Variants in KCNJ6 observed in about 807,000 individuals in gnomAD.
KCNJ6 encodes G protein-activated inward rectifier potassium channel 2.
A neutral mutation model predicts 34.2 loss-of-function variants in KCNJ6; 9 were observed. That is an observed-to-expected ratio of 0.26 (90% CI 0.16 to 0.46). The LOEUF (loss-of-function observed/expected upper bound fraction) is 0.46, where lower values mean the gene tolerates loss of function less well. Among genes scored for constraint, KCNJ6 ranks in the 20% least tolerant of loss-of-function variants. The pLI is 1.00. For missense variants in KCNJ6, 236 were observed against 531.3 expected (o/e 0.44, Z 5.46); for synonymous variants, 196 against 207.1 (o/e 0.95, Z 0.46).
chr21:37,794,884 T>C (rs2055233603), intron 2 of KCNJ6, among the ~76,000 whole-genome samples: 1 of 142,480 alleles, frequency 7.0e-6, no homozygotes, highest in Non-Finnish European at 1.5e-5. Flanking sequence ...GAACTTAAAG[T>C]AAAATAAAAA....
chr21:37,880,285 G>T (rs902741062), intron 1 of KCNJ6, among the ~76,000 whole-genome samples: 6 of 152,118 alleles, frequency 3.9e-5, no homozygotes, highest in African/African-American at 1.4e-4. Context: ...AATGTGCATT[G>T]TCCAGGAAAA....
intron 2 of KCNJ6, among the ~76,000 whole-genome samples, chr21:37,796,025 G>A (rs770150905): frequency 2.6e-4 from 40 of 152,200 alleles, no homozygotes; most frequent in South Asian, 1.7e-3. Context: ...AGAATAATCC[G>A]TTCTATGGGA....
chr21:37,654,789 A>G (rs1390767557), intron 3 of KCNJ6, among the ~76,000 whole-genome samples: 1 of 152,182 alleles, frequency 6.6e-6, no homozygotes, highest in Non-Finnish European at 1.5e-5. Flanking sequence ...GCCTCCTGGC[A>G]TCTGCATCTT....
intron 1 of KCNJ6, among the ~76,000 whole-genome samples, chr21:37,908,589 G>A (rs2055852732): frequency 6.6e-6 from 1 of 152,130 alleles, no homozygotes; most frequent in Non-Finnish European, 1.5e-5. Flanking sequence ...TTTGAGCATG[G>A]GTTGTGAAGT....
intron 3 of KCNJ6, among the ~76,000 whole-genome samples, chr21:37,653,570 A>G (rs2054443883): frequency 6.6e-6 from 1 of 152,208 alleles, no homozygotes; most frequent in Non-Finnish European, 1.5e-5. Flanking sequence ...AAAATAAAGC[A>G]AATGCATTTA....
At position 37,842,999 on chromosome 21, in the gene KCNJ6, T is replaced by A. The variant is rs539907955; in HGVS notation, c.-27-2290A>T. 4.6e-5 allele frequency among the ~76,000 whole-genome samples: 7 copies of A among 152,242 alleles called. No individual in the cohort carries two copies. In the East Asian group the frequency reaches 1.4e-3, roughly 29 times the overall value. ...CCCCATTTTCTGGGTCTGTGCTCCATCAGGCCTCACTCTGGATCACAGACC... is the reference window on the plus strand; with the variant it reads ...CCCCATTTTCTGGGTCTGTGCTCCAACAGGCCTCACTCTGGATCACAGACC... On this transcript the variant is annotated intron_variant, in intron 1 of 3. Transcript: ENST00000609713.
At chr21:37,662,761 C>A (rs901295681) in intron 3 of KCNJ6, among the ~76,000 whole-genome samples, 1 of 152,196 alleles carries the variant, frequency 6.6e-6, no homozygotes, top group African/African-American at 2.4e-5. Flanking sequence ...CACATCCTCG[C>A]CAGCATCTGT....
intron 2 of KCNJ6, among the ~76,000 whole-genome samples, chr21:37,747,393 TTA>T (rs1342708981): frequency 6.6e-6 from 1 of 152,196 alleles, no homozygotes; most frequent in Non-Finnish European, 1.5e-5. Context: ...TTTGGGATTT[TTA>T]TTAGGAAAAG....
chr21:37,888,237 C>G (rs1275680669), intron 1 of KCNJ6, among the ~76,000 whole-genome samples: 1 of 152,240 alleles, frequency 6.6e-6, no homozygotes, highest in Non-Finnish European at 1.5e-5. Flanking sequence ...CCCTCAGACA[C>G]TTTCCTCTCT....
chr21:37,870,588 A>ATTTT (rs754356092), intron 1 of KCNJ6, among the ~76,000 whole-genome samples: 4 of 150,794 alleles, frequency 2.7e-5, no homozygotes, highest in African/African-American at 7.3e-5. Flanking sequence ...ACAATTCAAA[A>ATTTT]TTTTGTTTTT....
intron 3 of KCNJ6, among the ~76,000 whole-genome samples, chr21:37,690,275 T>G (rs2054633751): frequency 6.6e-6 from 1 of 152,234 alleles, no homozygotes; most frequent in South Asian, 2.1e-4. Context: ...AGCATGAACC[T>G]GACAATAACG....
chr21:37,709,938 G>A (rs1288205697), intron 3 of KCNJ6, among the ~76,000 whole-genome samples: 4 of 152,260 alleles, frequency 2.6e-5, no homozygotes, highest in East Asian at 3.9e-4. Context: ...GGCAACTTCC[G>A]ATTAATTGGC....
At chr21:37,756,725 G>T (rs1397763686) in intron 2 of KCNJ6, among the ~76,000 whole-genome samples, 1 of 128,056 alleles carries the variant, frequency 7.8e-6, no homozygotes, top group Admixed American at 7.6e-5. Context: ...CTCCCTCACA[G>T]ATTCAAGCCC....
intron 3 of KCNJ6, among the ~76,000 whole-genome samples, chr21:37,649,898 C>T (rs909634169): frequency 6.0e-5 from 9 of 150,064 alleles, no homozygotes; most frequent in African/African-American, 1.5e-4. Context: ...GGACTACAGA[C>T]GCCCGCCACC....
chr21:37,649,222 A>G (rs115810864), intron 3 of KCNJ6, among the ~76,000 whole-genome samples: 1 of 151,254 alleles, frequency 6.6e-6, no homozygotes, highest in East Asian at 1.9e-4. Flanking sequence ...CTTATCTTAC[A>G]TTTCCTCAAG....
At chr21:37,875,156 G>A (rs373165163) in intron 1 of KCNJ6, among the ~76,000 whole-genome samples, 10 of 152,162 alleles carry the variant, frequency 6.6e-5, no homozygotes, top group African/African-American at 2.4e-4. Flanking sequence ...TGCAAGGCTG[G>A]TGGAGCTCTC....
intron 1 of KCNJ6, among the ~76,000 whole-genome samples, chr21:37,864,413 G>T (rs1601507487): frequency 6.6e-6 from 1 of 152,100 alleles, no homozygotes; most frequent in South Asian, 2.1e-4. Flanking sequence ...GGCCGGCCAG[G>T]AATATCCAGT....
chr21:37,667,296 C>T (rs2054519348), intron 3 of KCNJ6, among the ~76,000 whole-genome samples: 2 of 151,648 alleles, frequency 1.3e-5, no homozygotes, highest in Admixed American at 1.3e-4. Flanking sequence ...CAGGGTTCCA[C>T]ATTTTGAATT....
intron 2 of KCNJ6, among the ~76,000 whole-genome samples, chr21:37,735,046 C>A (rs1159228544): frequency 3.9e-5 from 6 of 152,112 alleles, no homozygotes; most frequent in Admixed American, 1.3e-4. Flanking sequence ...CCTGACACAG[C>A]CCAAAGCTGT....
Sources: allele counts gnomAD v4.1 joint callset (sites outside exome capture counted in the v4.1 genomes callset), GRCh38; gene constraint gnomAD v4.1.1; transcripts MANE v1.5; gene names NCBI Gene and HGNC (gene_info 2026-07-23, HGNC 2026-07-21).